SEMA3A: variants seen among roughly 807,000 people sequenced by gnomAD.
The protein encoded by SEMA3A is semaphorin-3A.
In SEMA3A, 29 loss-of-function variants were observed where a neutral mutation model predicts 97.9. The observed-to-expected ratio is 0.30, with a 90% CI of 0.22 to 0.40. The LOEUF (loss-of-function observed/expected upper bound fraction) is 0.40. SEMA3A is among the 10% of genes least tolerant of loss of function. SEMA3A has a pLI of 1.00. For synonymous variants in SEMA3A, 321 were observed against 323.7 expected (o/e 0.99, Z 0.09); for missense variants, 763 against 951.3 (o/e 0.80, Z 2.60).
chr7:84,014,142 A>C lies in SEMA3A; in HGVS notation c.810+67T>G, dbSNP rs565969166. On this transcript the variant is annotated intron_variant, in intron 7 of 16. Transcript: ENST00000265362. ...TTTATTGTATATGCACACAGGTAGA[A>C]AATTTTAAAAAGCAAAGCTGTTATG... 3.5e-6 allele frequency: 5 copies of C among 1,447,982 alleles called. No homozygotes were observed. In the East Asian group the frequency reaches 1.1e-4, roughly 33 times the overall value. 89.7% of individuals were successfully genotyped at this position (1,447,982 alleles called of 1,614,324 possible).
At chr7:83,999,194 C>T (rs947675698) in intron 12 of SEMA3A, among the ~76,000 whole-genome samples, 8 of 152,062 alleles carry the variant, frequency 5.3e-5, no homozygotes, top group African/African-American at 1.9e-4. Flanking sequence ...TGTTATGCAG[C>T]GCATGACTAT....
intron 2 of SEMA3A, among the ~76,000 whole-genome samples, chr7:84,328,381 C>T (rs748616197): frequency 4.0e-5 from 6 of 151,788 alleles, no homozygotes; most frequent in Admixed American, 6.6e-5. Context: ...ATAACATAAA[C>T]GTTCAGTTCT....
intron 3 of SEMA3A, among the ~76,000 whole-genome samples, chr7:84,215,071 C>A (rs1199519493): frequency 6.6e-6 from 1 of 152,100 alleles, no homozygotes; most frequent in Non-Finnish European, 1.5e-5. Context: ...CAGGGTTTCA[C>A]CATGTTGGCC....
rs1232932077 is a variant in SEMA3A, at chr7:84,376,430, G to A, written c.-245-4530C>T. ...ATCCTGGCTAACACAGTGAAACCCC[G>A]TCTCTACTAAAAAACACAAAAAAAT... is the stretch of plus-strand genomic sequence containing the variant. On this transcript the variant is annotated intron_variant, in intron 1 of 3. Transcript: ENST00000424555. Among the ~76,000 whole-genome samples the A allele has an allele frequency of 8.8e-5, 11 of 125,422 alleles. No individual in the cohort carries two copies. The South Asian group carries it at 1.4e-3, about 16-fold the overall frequency. 82.3% of individuals were successfully genotyped at this position (125,422 alleles called of 152,430 possible).
intron 3 of SEMA3A, among the ~76,000 whole-genome samples, chr7:84,112,517 C>A (rs3801645): frequency 0.49 from 74,181 of 151,874 alleles, 19,306 homozygotes; most frequent in East Asian, 0.71. Context: ...TTACTTCTCC[C>A]TAATAAAAAA....
chr7:84,460,673 C>T (rs943442981), intron 1 of SEMA3A, among the ~76,000 whole-genome samples: 8 of 152,166 alleles, frequency 5.3e-5, no homozygotes, highest in Non-Finnish European at 1.0e-4. Flanking sequence ...ATGTACTTTC[C>T]TATTTGATCA....
chr7:84,212,729 G>GGT (rs2116321469), intron 3 of SEMA3A, among the ~76,000 whole-genome samples: 2 of 152,184 alleles, frequency 1.3e-5, no homozygotes, highest in East Asian at 3.9e-4. Flanking sequence ...GAAACAATGT[G>GGT]GTGTGGAAAC....
chr7:84,127,943 CAGTT>C (rs558015111), intron 3 of SEMA3A, among the ~76,000 whole-genome samples: 111 of 152,104 alleles, frequency 7.3e-4, no homozygotes, highest in Non-Finnish European at 1.4e-3. Context: ...CCCCAAATAT[CAGTT>C]AAACATAAAA....
intron 3 of SEMA3A, among the ~76,000 whole-genome samples, chr7:84,272,343 C>G (rs748153213): frequency 6.6e-6 from 1 of 152,002 alleles, no homozygotes; most frequent in Non-Finnish European, 1.5e-5. Context: ...CAGATGCTTG[C>G]CTCTCTAATA....
chr7:84,486,174 G>A (rs1806569625), intron 1 of SEMA3A, among the ~76,000 whole-genome samples: 2 of 152,130 alleles, frequency 1.3e-5, no homozygotes, highest in East Asian at 3.9e-4. Flanking sequence ...CAGATCATGA[G>A]GTCAGAAGAT....
intron 1 of SEMA3A, among the ~76,000 whole-genome samples, chr7:84,387,144 G>A (rs989375683): frequency 3.9e-5 from 6 of 152,074 alleles, no homozygotes; most frequent in African/African-American, 1.4e-4. Flanking sequence ...CTTTAATTTG[G>A]AAATGCACAC....
At chr7:84,239,965 A>G (rs1799321343) in intron 3 of SEMA3A, among the ~76,000 whole-genome samples, 1 of 152,160 alleles carries the variant, frequency 6.6e-6, no homozygotes, top group African/African-American at 2.4e-5. Context: ...TAATGTTAGA[A>G]GAATGTTTTA....
intron 1 of SEMA3A, among the ~76,000 whole-genome samples, chr7:84,178,474 T>C (rs1421493091): frequency 3.4e-5 from 5 of 149,042 alleles, no homozygotes; most frequent in Non-Finnish European, 7.4e-5. Flanking sequence ...CTTTTATTAT[T>C]ATCCCTATCT....
At chr7:84,339,156 T>A (rs192360254) in intron 2 of SEMA3A, among the ~76,000 whole-genome samples, 6 of 152,268 alleles carry the variant, frequency 3.9e-5, no homozygotes, top group Non-Finnish European at 5.9e-5. Flanking sequence ...AATCAGAGCA[T>A]GGGCACTAAC....
At chr7:84,291,183 A>G (rs546298245) in intron 3 of SEMA3A, among the ~76,000 whole-genome samples, 1 of 152,194 alleles carries the variant, frequency 6.6e-6, no homozygotes, top group African/African-American at 2.4e-5. Flanking sequence ...TCAATGAGCT[A>G]TAAGATAAAA....
chr7:84,095,358 C>CATATATATATATATATATATATAT (rs200107086), intron 4 of SEMA3A, among the ~76,000 whole-genome samples: 11 of 122,902 alleles, frequency 9.0e-5, no homozygotes, highest in Non-Finnish European at 1.3e-4. Context: ...TTTTTATATA[C>CATATATATATATATATATATATAT]ATATATATAT....
At position 84,055,305 on chromosome 7, in the gene SEMA3A, C is replaced by A. The variant is rs188747472; in HGVS notation, c.547+5160G>T. 5.3e-5 allele frequency among the ~76,000 whole-genome samples: 8 copies of A among 152,234 alleles called. No homozygotes were observed. The South Asian group carries it at 1.0e-3, about 20-fold the overall frequency. On this transcript the variant is annotated intron_variant, in intron 5 of 16. Transcript: ENST00000265362. ...ATGGCGGGCGCCCCTCCCCCCGCCTCGCTGCGGCCTTGCAGTTTGATCTCA... is the reference window on the plus strand; with the variant it reads ...ATGGCGGGCGCCCCTCCCCCCGCCTAGCTGCGGCCTTGCAGTTTGATCTCA...
intron 1 of SEMA3A, among the ~76,000 whole-genome samples, chr7:84,148,809 C>T (rs73177476): frequency 0.028 from 4,326 of 152,262 alleles, 93 homozygotes; most frequent in South Asian, 0.072. Flanking sequence ...TGATCCACTT[C>T]CACTTGAAGA....
intron 1 of SEMA3A, among the ~76,000 whole-genome samples, chr7:84,452,341 G>T (rs1489004274): frequency 1.3e-5 from 2 of 152,058 alleles, no homozygotes; most frequent in Non-Finnish European, 2.9e-5. Flanking sequence ...GTGCCATAAG[G>T]CTTCCTTTAT....
Sources: gnomAD v4.1 joint callset for allele counts (sites outside exome capture counted in the v4.1 genomes callset) on GRCh38, gnomAD v4.1.1 for gene constraint, MANE v1.5 for transcripts, NCBI Gene and HGNC (gene_info 2026-07-23, HGNC 2026-07-21) for gene names.